Variants in DLGAP2 observed in about 807,000 individuals in gnomAD.
The protein encoded by DLGAP2 is DLG associated protein 2.
DLGAP2 carries 26 observed loss-of-function variants against 100.3 expected under a neutral mutation model. The observed-to-expected ratio is 0.26, with a 90% CI of 0.19 to 0.36. The LOEUF (loss-of-function observed/expected upper bound fraction) is 0.36, where lower values mean the gene tolerates loss of function less well. Ranked by LOEUF, DLGAP2 falls within the 10% of genes least tolerant of loss-of-function variation. DLGAP2 has a pLI of 1.00. For missense variants in DLGAP2, 1,858 were observed against 1,453.2 expected (o/e 1.28, Z -4.53); for synonymous variants, 886 against 630.1 (o/e 1.41, Z -6.08).
At chr8:1,116,953 T>A (rs2129046835) in intron 2 of DLGAP2, among the ~76,000 whole-genome samples, 1 of 152,326 alleles carries the variant, frequency 6.6e-6, no homozygotes, top group East Asian at 1.9e-4. Flanking sequence ...ACTGGCTTCC[T>A]CTGCGGAAGG....
chr8:1,616,807 G>C (rs1026933500), intron 6 of DLGAP2, among the ~76,000 whole-genome samples: 3 of 146 alleles, frequency 0.021, no homozygotes, highest in Admixed American at 0.056. Flanking sequence ...ACGTCATGTG[G>C]GGTTTGGTGT....
chr8:1,120,792 C>T (rs1198359941), intron 2 of DLGAP2, among the ~76,000 whole-genome samples: 1 of 152,018 alleles, frequency 6.6e-6, no homozygotes, highest in Admixed American at 6.6e-5. Context: ...CCATCCTAGT[C>T]CCTTCAGAAC....
intron 2 of DLGAP2, among the ~76,000 whole-genome samples, chr8:1,071,713 C>G (rs1282979681): frequency 6.6e-6 from 1 of 152,098 alleles, no homozygotes; most frequent in Non-Finnish European, 1.5e-5. Context: ...AATACTGGCT[C>G]CAAGGATGTG....
intron 3 of DLGAP2, chr8:1,259,849 A>C (rs1269781151): frequency 2.6e-5 from 4 of 152,246 alleles, no homozygotes; most frequent in Non-Finnish European, 5.9e-5. Flanking sequence ...GAAACACTTA[A>C]TTCCCTTATT....
At chr8:1,050,974 G>A (rs1231569176) in intron 2 of DLGAP2, among the ~76,000 whole-genome samples, 7 of 62,938 alleles carry the variant, frequency 1.1e-4, no homozygotes, top group African/African-American at 4.5e-4. Context: ...CATTTCGTGG[G>A]TGGGGGTCAT....
intron 2 of DLGAP2, among the ~76,000 whole-genome samples, chr8:954,790 C>A (rs565348582): frequency 6.6e-6 from 1 of 152,170 alleles, no homozygotes; most frequent in South Asian, 2.1e-4. Context: ...GGAGTTGTGT[C>A]CAGGAGTCTT....
intron 2 of DLGAP2, among the ~76,000 whole-genome samples, chr8:914,422 G>A (rs1584885699): frequency 6.6e-6 from 1 of 152,216 alleles, no homozygotes; most frequent in African/African-American, 2.4e-5. Flanking sequence ...TTAGAAAATT[G>A]GTCATGCTAT....
intron 1 of DLGAP2, among the ~76,000 whole-genome samples, chr8:742,871 T>C (rs999603739): frequency 6.6e-6 from 1 of 152,116 alleles, no homozygotes; most frequent in Non-Finnish European, 1.5e-5. Context: ...GTGGGGCCAA[T>C]GCAATATTAA....
intron 1 of DLGAP2, among the ~76,000 whole-genome samples, chr8:790,027 C>T (rs900123380): frequency 1.1e-4 from 17 of 152,156 alleles, no homozygotes; most frequent in African/African-American, 9.7e-5. Flanking sequence ...ATGGGACGGA[C>T]GACGTCAGTG....
In DLGAP2 at chr8:1,707,906, C is replaced by G. The variant is rs187407359; in HGVS notation, c.*6500C>G. The G allele has an allele frequency of 1.3e-5, 2 of 152,716 alleles. No homozygotes were observed. Among genetic ancestry groups the G allele is most frequent in the East Asian group, 1.9e-4 (1 of 5,186 alleles). 9.5% of individuals were successfully genotyped at this position (152,716 alleles called of 1,614,324 possible). ...ATTTTATGTCATTCTCTTTCTCACG[C>G]TTTTATGGTTCTTTTGATAAATTCT... On this transcript the variant is annotated 3_prime_UTR_variant, in exon 15 of 15. Transcript: ENST00000637795.
chr8:854,811 G>A (rs941331974), intron 1 of DLGAP2, among the ~76,000 whole-genome samples: 4 of 152,324 alleles, frequency 2.6e-5, no homozygotes, highest in African/African-American at 9.6e-5. Flanking sequence ...CTGAGCTTCA[G>A]GATGAGGTCC....
intron 2 of DLGAP2, among the ~76,000 whole-genome samples, chr8:1,010,472 G>C (rs983286340): frequency 1.3e-5 from 2 of 152,028 alleles, no homozygotes; most frequent in South Asian, 2.1e-4. Context: ...GTGCACACAT[G>C]TGCACTCTAA....
chr8:828,945 CAT>C (rs1215644125), intron 1 of DLGAP2, among the ~76,000 whole-genome samples: 1 of 152,140 alleles, frequency 6.6e-6, no homozygotes, highest in Non-Finnish European at 1.5e-5. Context: ...TGTATTAAAA[CAT>C]ATTATTTTTT....
intron 1 of DLGAP2, among the ~76,000 whole-genome samples, chr8:872,074 T>A (rs1431934706): frequency 1.3e-5 from 2 of 152,346 alleles, no homozygotes; most frequent in Non-Finnish European, 1.5e-5. Flanking sequence ...ATCATTGTTT[T>A]CATTGCTTAG....
At chr8:949,642 T>G (rs1799425373) in intron 2 of DLGAP2, among the ~76,000 whole-genome samples, 1 of 152,222 alleles carries the variant, frequency 6.6e-6, no homozygotes, top group African/African-American at 2.4e-5. Context: ...TCACTCTTTT[T>G]CTGGCAGGTC....
At chr8:1,254,847 G>A (rs1180637317) in intron 2 of DLGAP2, among the ~76,000 whole-genome samples, 1 of 107,320 alleles carries the variant, frequency 9.3e-6, no homozygotes. Flanking sequence ...TTCCTCCGTG[G>A]GCCTCACTCC....
intron 3 of DLGAP2, among the ~76,000 whole-genome samples, chr8:1,320,002 C>G (rs888284532): frequency 1.3e-5 from 2 of 152,056 alleles, no homozygotes; most frequent in Non-Finnish European, 2.9e-5. Context: ...GGGCAGGAGA[C>G]AAAGGTAAGC....
chr8:965,203 G>C (rs1478266824), intron 2 of DLGAP2, among the ~76,000 whole-genome samples: 1 of 130,996 alleles, frequency 7.6e-6, no homozygotes, highest in African/African-American at 3.0e-5. Flanking sequence ...ACCACACAGG[G>C]CTCCTGAGTC....
chr8:1,058,516 C>G (rs1802952546), intron 2 of DLGAP2, among the ~76,000 whole-genome samples: 1 of 152,156 alleles, frequency 6.6e-6, no homozygotes, highest in African/African-American at 2.4e-5. Context: ...AGGGGCCATG[C>G]AACAACGTAG....
Sources: gnomAD v4.1 joint callset for allele counts (sites outside exome capture counted in the v4.1 genomes callset) on GRCh38, gnomAD v4.1.1 for gene constraint, MANE v1.5 for transcripts, NCBI Gene and HGNC (gene_info 2026-07-23, HGNC 2026-07-21) for gene names.